Variants in PKHD1L1 observed in about 807,000 individuals in gnomAD.
PKHD1L1 encodes fibrocystin-L.
PKHD1L1 carries 434 observed loss-of-function variants against 462.9 expected under a neutral mutation model. The observed-to-expected ratio is 0.94, with a 90% CI of 0.87 to 1.02. The LOEUF is 1.02. Ranked by LOEUF, PKHD1L1 falls within the 50% of genes least tolerant of loss-of-function variation. The pLI is 0.00. For synonymous variants in PKHD1L1, 1,781 were observed against 1,750.0 expected, an observed-to-expected ratio of 1.02 and a Z score of -0.44; for missense variants, 5,202 against 5,096.1, an observed-to-expected ratio of 1.02 and a Z score of -0.63.
rs111437498 is a variant in PKHD1L1, at chr8:109,447,872, G to A, written c.5777-271G>A. Among the ~76,000 whole-genome samples, 704 of 152,116 alleles carry A rather than the reference G, an allele frequency of 4.6e-3. 6 individuals carry two copies. Among genetic ancestry groups the A allele is most frequent in the African/African-American group, 0.016 (671 of 41,486 alleles). On this transcript the variant is annotated intron_variant, in intron 38 of 77. Coordinates refer to ENST00000378402, the MANE Select transcript of PKHD1L1 (RefSeq NM_177531.6). ...TCCTCCTCCTCTATTCTCTATTAGC[G>A]TGAATTAATAACTTACAACTCAGTA...
rs770545155 is a variant in PKHD1L1, at chr8:109,486,606, C to G, written c.9707-42C>G. On this transcript the variant is annotated intron_variant, in intron 58 of 77. Transcript: ENST00000378402. ...GCAAAGGAACTAGTAAAGACAGATACTTCTCAGCATTGGCAATAATCTAGC... is the reference window on the plus strand; with the variant it reads ...GCAAAGGAACTAGTAAAGACAGATAGTTCTCAGCATTGGCAATAATCTAGC... 3 of 1,579,658 alleles carry G rather than the reference C, an allele frequency of 1.9e-6. No individual in the cohort carries two copies. The Admixed American group carries it at 5.3e-5, about 28-fold the overall frequency.
rs1050056513 is a variant in PKHD1L1, at chr8:109,382,483, A to G, written c.329A>G (p.Tyr110Cys). ...TATAGAGCAATGCCGGAAGATTCCT[A>G]CACTGTTAGAGTCAGTGTGGACGGG... is the stretch of plus-strand genomic sequence containing the variant. ...CYTRAMPEDSYTVRVSVDGVP... is the reference protein window; with the variant it reads ...CYTRAMPEDSCTVRVSVDGVP... Residue 110 changes from tyrosine to cysteine, a missense_variant, in exon 4 of 78, where the codon TAC (tyrosine) becomes TGC (cysteine). Physicochemically the swap from Tyr to Cys is radical, Grantham distance 194. Around this residue, in one of 3 missense-constraint regions of PKHD1L1, gnomAD observed 4,497 missense variants for 4,336.8 expected, o/e 1.04. Coordinates refer to ENST00000378402, the MANE Select transcript of PKHD1L1 (RefSeq NM_177531.6). 5.0e-6 allele frequency: 8 copies of G among 1,608,538 alleles called. No homozygotes were observed. Among genetic ancestry groups the G allele is most frequent in the East Asian group, 4.5e-5 (2 of 44,526 alleles).
At chr8:109,470,360 A>G (rs1817656895) in intron 50 of PKHD1L1, 1 of 1,552,964 alleles carries the variant, frequency 6.4e-7, no homozygotes, top group African/African-American at 1.4e-5. Flanking sequence ...AACCATTACT[A>G]TGAACCCAAG....
At chr8:109,370,759 T>C (rs908805280) in intron 2 of PKHD1L1, among the ~76,000 whole-genome samples, 25 of 152,068 alleles carry the variant, frequency 1.6e-4, no homozygotes, top group Non-Finnish European at 2.9e-5. Context: ...ACATGTGGTG[T>C]TTGGTTTTTT....
chr8:109,429,834 C>T (rs927976673), intron 26 of PKHD1L1, 98 bp from the exon 27 acceptor site: 2 of 825,522 alleles, frequency 2.4e-6, no homozygotes, highest in Non-Finnish European at 3.9e-6. Context: ...AGTAAATTAG[C>T]AAACCAACAA....
At chr8:109,429,703 T>A (rs914108067) in intron 26 of PKHD1L1, among the ~76,000 whole-genome samples, 2 of 152,158 alleles carry the variant, frequency 1.3e-5, no homozygotes, top group African/African-American at 4.8e-5. Flanking sequence ...GAGGAATCTT[T>A]CCTTCAATCT....
At position 109,452,207 on chromosome 8, in the gene PKHD1L1, T is replaced by C. The variant is rs1217945284; in HGVS notation, c.6434T>C (p.Met2145Thr). ...EYSNKTHIIC[M>T]TDAHTLSGWA... ...TCCAACAAGACACACATCATCTGCA[T>C]GACAGATGCCCATACTCTATCAGGG... Residue 2145 changes from methionine (M) to threonine (T), a missense_variant, in exon 42 of 78, where the codon ATG (methionine) becomes ACG (threonine). Physicochemically the swap from Met to Thr is moderately conservative, Grantham distance 81 (BLOSUM62 -1). Transcript: ENST00000378402. The C allele has an allele frequency of 1.9e-6, 3 of 1,613,188 alleles. No homozygotes were observed. Among genetic ancestry groups the C allele is most frequent in the Non-Finnish European group, 1.7e-6 (2 of 1,179,526 alleles).
chr8:109,366,292 A>C (rs1039577466), intron 2 of PKHD1L1, among the ~76,000 whole-genome samples: 1 of 152,218 alleles, frequency 6.6e-6, no homozygotes, highest in African/African-American at 2.4e-5. Context: ...CATTGCAGAT[A>C]CTTAACAATT....
intron 20 of PKHD1L1, 73 bp from the exon 21 acceptor site, chr8:109,413,348 A>C: frequency 9.7e-7 from 1 of 1,030,892 alleles, no homozygotes. Context: ...ATTGACTTTG[A>C]ATTTATTTGA....
Position 109,362,563 on chromosome 8 carries a change from C to G in PKHD1L1, c.-18C>G, listed in dbSNP as rs866502585. 3.1e-6 allele frequency: 5 copies of G among 1,598,414 alleles called. No homozygotes were observed. The highest frequency in any genetic ancestry group is 2.3e-5 in the South Asian group (2 of 88,070). On this transcript the variant is annotated 5_prime_UTR_variant, in exon 1 of 78. Transcript: ENST00000378402. ...AGCTGCGAGCGGAGGGCACCAACTC[C>G]GCAGAACTGGCTTTTCAATGGGACA... is the stretch of plus-strand genomic sequence containing the variant.
Position 109,443,005 on chromosome 8 carries a change from G to A in PKHD1L1, c.4453G>A (p.Asp1485Asn). 6.2e-7 allele frequency: 1 copy of A among 1,613,504 alleles called. No homozygotes were observed. The highest frequency in any genetic ancestry group is 8.5e-7 in the Non-Finnish European group (1 of 1,179,590). Residue 1485 changes from aspartate (D) to asparagine (N), a missense_variant, in exon 36 of 78, where the codon GAT (aspartate) becomes AAT (asparagine). Asp to Asn is a conservative substitution (Grantham distance 23). Around this residue, in one of 3 missense-constraint regions of PKHD1L1, gnomAD observed 4,497 missense variants for 4,336.8 expected, o/e 1.04. Transcript: ENST00000378402. ...CCATTATTATAGCAGCGGGTATGTTGATGAGGCTCACTCCATTTTTCTCCA... is the reference window on the plus strand; with the variant it reads ...CCATTATTATAGCAGCGGGTATGTTAATGAGGCTCACTCCATTTTTCTCCA... ...GIHYYSSGYV[D>N]EAHSIFLQGV... is the part of the protein sequence containing the mutation.
At chr8:109,468,631 A>G (rs1307172119) in intron 50 of PKHD1L1, among the ~76,000 whole-genome samples, 1 of 152,198 alleles carries the variant, frequency 6.6e-6, no homozygotes, top group Non-Finnish European at 1.5e-5. Context: ...ATATGTCCCC[A>G]TGACCCTACT....
Position 109,380,338 on chromosome 8 carries a change from C to A in PKHD1L1, c.164-1032C>A, listed in dbSNP as rs1453676802. ...AGCTATGTGTTGTATAGTGGGTAGA[C>A]TGTATCAGATGCCTTTTATATTCAG... On this transcript the variant is annotated intron_variant, in intron 2 of 77. Transcript: ENST00000378402. Among the ~76,000 whole-genome samples the A allele has an allele frequency of 2.0e-5, 3 of 152,256 alleles. No individual in the cohort carries two copies. In the East Asian group the frequency reaches 5.8e-4, roughly 29 times the overall value.
At chr8:109,381,783 G>C (rs1376055930) in intron 3 of PKHD1L1, among the ~76,000 whole-genome samples, 1 of 151,956 alleles carries the variant, frequency 6.6e-6, no homozygotes, top group Non-Finnish European at 1.5e-5. Context: ...GAAGATAAAT[G>C]ACTATTTAAT....
chr8:109,412,269 A>C lies in PKHD1L1; in HGVS notation c.2090A>C (p.His697Pro), dbSNP rs996646509. ...GAAATATTATTGTTTCGGTAGGAAC[A>C]TATTAACAGAGGGCAGAAGACAGCT... ...RDYETDFNLEHINRGQKTAET... is the reference protein window; with the variant it reads ...RDYETDFNLEPINRGQKTAET... Residue 697 changes from histidine (H) to proline (P), a missense_variant, in exon 20 of 78, where the codon CAT (histidine) becomes CCT (proline). Coordinates refer to ENST00000378402, the MANE Select transcript of PKHD1L1 (RefSeq NM_177531.6). 6.2e-7 allele frequency: 1 copy of C among 1,612,990 alleles called. No homozygotes were observed. Among genetic ancestry groups the C allele is most frequent in the African/African-American group, 1.3e-5 (1 of 74,860 alleles).
Position 109,486,944 on chromosome 8 carries a change from G to T in PKHD1L1, c.9880+123G>T, listed in dbSNP as rs1341491326. ...TATGTGGGAAAATAAAGCATTAAAA[G>T]TGATTATGTAGCCCAGTTTTTACCT... On this transcript the variant is annotated intron_variant, in intron 59 of 77. Transcript: ENST00000378402. 4 of 1,043,710 alleles carry T rather than the reference G, an allele frequency of 3.8e-6. No individual in the cohort carries two copies. In the South Asian group the frequency reaches 7.5e-5, roughly 20 times the overall value. The allele number at this position is 1,043,710 out of a possible 1,614,324, so 64.7% of individuals were successfully genotyped here. A position where few individuals can be genotyped will look rare whatever the true frequency, so the allele number is the denominator to read the frequency against.
chr8:109,395,768 C>A (rs1003390871), intron 10 of PKHD1L1, among the ~76,000 whole-genome samples: 2 of 152,128 alleles, frequency 1.3e-5, no homozygotes, highest in African/African-American at 2.4e-5. Flanking sequence ...CTTTAATGCT[C>A]GCATTACCAA....
At chr8:109,364,503 G>C (rs1811130517) in intron 1 of PKHD1L1, 44 bp from the exon 2 acceptor site, 1 of 1,317,620 alleles carries the variant, frequency 7.6e-7, no homozygotes, top group South Asian at 1.3e-5. Context: ...CTGAAATGAA[G>C]AACTTGGTGA....
rs1819246160 is a variant in PKHD1L1, at chr8:109,498,657, G to C, written c.10714G>C (p.Gly3572Arg). 1.9e-6 allele frequency: 3 copies of C among 1,613,708 alleles called. No individual in the cohort carries two copies. The highest frequency in any genetic ancestry group is 2.5e-6 in the Non-Finnish European group (3 of 1,179,702). Residue 3572 changes from glycine (G) to arginine (R), a missense_variant and splice_region_variant, in exon 67 of 78, where the codon GGG becomes CGG. Physicochemically the swap from Gly to Arg is moderately radical, Grantham distance 125 (BLOSUM62 -2). Around this residue, in one of 3 missense-constraint regions of PKHD1L1, gnomAD observed 4,497 missense variants for 4,336.8 expected, o/e 1.04. Transcript: ENST00000378402. The part of the protein sequence containing the change: ...AHRSPRSPSG[G>R]RSGICWPTFA... Reference sequence around the variant, plus strand: ...AACTTTTTCTTTTTTGGTAAAAGGTGGGAGAAGTGGGATTTGTTGGCCTAC... The same window carrying C: ...AACTTTTTCTTTTTTGGTAAAAGGTCGGAGAAGTGGGATTTGTTGGCCTAC...
Sources: allele counts gnomAD v4.1 joint callset (sites outside exome capture counted in the v4.1 genomes callset), GRCh38; gene constraint gnomAD v4.1.1; regional missense constraint gnomAD v4.1.1; transcripts MANE v1.5; gene names NCBI Gene and HGNC (gene_info 2026-07-23, HGNC 2026-07-21).